CDC40: variants seen among roughly 807,000 people sequenced by gnomAD.
CDC40 encodes pre-mRNA-processing factor 17.
A neutral mutation model predicts 80.6 loss-of-function variants in CDC40; 27 were observed. That is an observed-to-expected ratio of 0.33 (90% confidence interval 0.25 to 0.46). The LOEUF (loss-of-function observed/expected upper bound fraction) is 0.46, where lower values mean the gene tolerates loss of function less well. Among genes scored for constraint, CDC40 ranks in the 20% least tolerant of loss-of-function variants. The pLI, the probability that CDC40 is intolerant of heterozygous loss-of-function variation, is 1.00. For missense variants in CDC40, 486 were observed against 694.1 expected (o/e 0.70, Z 3.37); for synonymous variants, 221 against 232.6 (o/e 0.95, Z 0.45).
chr6:110,181,702 G>A (rs540151348), intron 1 of CDC40, among the ~76,000 whole-genome samples: 13 of 152,248 alleles, frequency 8.5e-5, no homozygotes, highest in African/African-American at 2.9e-4. Flanking sequence ...GCTTTTTGGA[G>A]CTCTCTTTTT....
rs1390110559 is a variant in CDC40, at chr6:110,228,836, A to T, written c.1422A>T (p.Lys474Asn). The change falls in exon 14 of 15, where the codon AAA (lysine) becomes AAT (asparagine). Residue 474 changes from lysine (K) to asparagine (N), a missense_variant. This residue lies in a region of CDC40 where 88 missense variants were observed against 138.7 expected (regional missense o/e 0.63). Transcript: ENST00000307731. ...MPAVTLSPNG[K>N]WLACQSMDNQ... is the part of the protein sequence containing the mutation. The stretch of plus-strand genomic sequence containing the variant: ...CCTCATTTATTGAATTTACAGGAAA[A>T]TGGCTAGCATGCCAATCAATGGACA... 1 of 1,575,022 alleles carries T rather than the reference A, an allele frequency of 6.3e-7. No homozygotes were observed.
chr6:110,206,198 C>T (rs1026707644), intron 3 of CDC40, among the ~76,000 whole-genome samples: 12 of 152,058 alleles, frequency 7.9e-5, no homozygotes, highest in African/African-American at 2.2e-4. Context: ...AGTGCAGTGG[C>T]GCGATCTCAG....
At chr6:110,218,092 C>T (rs1777723709) in intron 10 of CDC40, among the ~76,000 whole-genome samples, 1 of 152,200 alleles carries the variant, frequency 6.6e-6, no homozygotes, top group Non-Finnish European at 1.5e-5. Context: ...TGTTCCCCTA[C>T]ATCACCTAGC....
At chr6:110,211,757 C>T (rs1172202344) in intron 6 of CDC40, 1 of 155,884 alleles carries the variant, frequency 6.4e-6, no homozygotes, top group Non-Finnish European at 1.4e-5. Context: ...CCTTCTTAAC[C>T]TGTTTTATTT....
In CDC40 at chr6:110,210,780, G is replaced by T; in HGVS notation, c.704G>T (p.Gly235Val). Residue 235 changes from glycine (G) to valine (V), a missense_variant, in exon 6 of 15, where the codon GGG becomes GTG. By Grantham distance (109) the Gly-to-Val change is moderately radical. This residue lies in a region of CDC40 where 381 missense variants were observed against 492.1 expected (regional missense o/e 0.77). Transcript: ENST00000307731. ...KKGKQEEEKP[G>V]EEKTILHVKE... is the part of the protein sequence containing the mutation. ...GGAAAACAGGAAGAAGAGAAACCTG[G>T]GGAGGAGAAGACAATCTTACATGGT... The T allele has an allele frequency of 6.4e-7, 1 of 1,564,480 alleles. No individual in the cohort carries two copies. The highest frequency in any genetic ancestry group is 8.6e-7 in the Non-Finnish European group (1 of 1,156,340).
intron 2 of CDC40, 137 bp from the exon 3 acceptor site, chr6:110,201,421 G>A (rs997044351): frequency 2.7e-5 from 15 of 557,738 alleles, no homozygotes; most frequent in African/African-American, 5.7e-5. Context: ...GCACTGAACC[G>A]TATCAGGCTA....
rs182512937 is a variant in CDC40, at chr6:110,180,617, C to T, written c.173C>T (p.Pro58Leu). Reference sequence around the variant, plus strand: ...CTAGCAGTGGCAGTGGACTCGGCTCCGGAGGTGGCAGTTAAGGTAAGCACT... The same window carrying T: ...CTAGCAGTGGCAGTGGACTCGGCTCTGGAGGTGGCAGTTAAGGTAAGCACT... ...PSLAVAVDSAPEVAVKEDLET... is the reference protein window; with the variant it reads ...PSLAVAVDSALEVAVKEDLET... The change falls in exon 1 of 15, where the codon CCG becomes CTG. Residue 58 changes from proline to leucine, a missense_variant. Physicochemically the swap from Pro to Leu is moderately conservative, Grantham distance 98. This residue lies in a region of CDC40 where 381 missense variants were observed against 492.1 expected (regional missense o/e 0.77). Transcript: ENST00000307731. The T allele has an allele frequency of 1.2e-5, 19 of 1,612,886 alleles. No homozygotes were observed. In the East Asian group the frequency reaches 3.6e-4, roughly 30 times the overall value.
chr6:110,205,498 G>T (rs1777550763), intron 3 of CDC40, among the ~76,000 whole-genome samples: 1 of 152,192 alleles, frequency 6.6e-6, no homozygotes, highest in African/African-American at 2.4e-5. Context: ...ATCACCTGGG[G>T]TGGAAGGCAG....
At chr6:110,220,251 T>C (rs1777751195) in intron 12 of CDC40, among the ~76,000 whole-genome samples, 1 of 152,032 alleles carries the variant, frequency 6.6e-6, no homozygotes, top group African/African-American at 2.4e-5. Flanking sequence ...AAAATAGTGG[T>C]GTATATCTTA....
At chr6:110,197,343 G>A (rs1483884573) in intron 2 of CDC40, among the ~76,000 whole-genome samples, 1 of 152,064 alleles carries the variant, frequency 6.6e-6, no homozygotes, top group African/African-American at 2.4e-5. Context: ...TATTTACAAT[G>A]TACAATGTGT....
intron 2 of CDC40, among the ~76,000 whole-genome samples, chr6:110,199,928 A>G (rs1777473924): frequency 6.6e-6 from 1 of 152,058 alleles, no homozygotes; most frequent in Non-Finnish European, 1.5e-5. Flanking sequence ...CTTTTAAATC[A>G]TTTTGTTATC....
chr6:110,190,451 A>AG (rs1777331760), intron 1 of CDC40, among the ~76,000 whole-genome samples: 1 of 152,184 alleles, frequency 6.6e-6, no homozygotes, highest in African/African-American at 2.4e-5. Context: ...CAAAGAGAGG[A>AG]GGGTAGAAGT....
chr6:110,230,207 G>A lies in CDC40; in HGVS notation c.*76G>A, dbSNP rs562527067. On this transcript the variant is annotated 3_prime_UTR_variant, in exon 15 of 15. Transcript: ENST00000307731. ...TTATATTTAATTATTAAATGTATCT[G>A]ATGATAACTTGATTTACAGATAATG... The A allele has an allele frequency of 4.3e-5, 31 of 727,088 alleles. No individual in the cohort carries two copies. In the South Asian group the frequency reaches 5.3e-4, roughly 13 times the overall value. The allele number at this position is 727,088 out of a possible 1,614,324, so 45.0% of individuals were successfully genotyped here. A position where few individuals can be genotyped will look rare whatever the true frequency, so the allele number is the denominator to read the frequency against.
At chr6:110,208,420 C>A (rs1349651491) in intron 4 of CDC40, among the ~76,000 whole-genome samples, 1 of 152,148 alleles carries the variant, frequency 6.6e-6, no homozygotes, top group Non-Finnish European at 1.5e-5. Context: ...AATGACTATA[C>A]ACAGTATGCC....
intron 12 of CDC40, among the ~76,000 whole-genome samples, chr6:110,224,902 T>G (rs765112217): frequency 3.3e-5 from 5 of 152,246 alleles, no homozygotes; most frequent in Non-Finnish European, 1.5e-5. Context: ...ATGTTTTAAT[T>G]CATGTTGTAA....
chr6:110,221,179 T>C (rs1413767775), intron 12 of CDC40, among the ~76,000 whole-genome samples: 2 of 152,216 alleles, frequency 1.3e-5, no homozygotes, highest in Non-Finnish European at 2.9e-5. Flanking sequence ...AATGATTGGA[T>C]GGAAGCCGCC....
At chr6:110,190,803 T>C (rs1408599342) in intron 1 of CDC40, among the ~76,000 whole-genome samples, 1 of 151,994 alleles carries the variant, frequency 6.6e-6, no homozygotes, top group Non-Finnish European at 1.5e-5. Context: ...TTGCTGGCCT[T>C]CTGGGAGGGC....
At chr6:110,185,459 G>A (rs542009963) in intron 1 of CDC40, among the ~76,000 whole-genome samples, 4 of 151,550 alleles carry the variant, frequency 2.6e-5, no homozygotes, top group Non-Finnish European at 5.9e-5. Flanking sequence ...AGCCGGGATG[G>A]TCTCGATCTC....
chr6:110,219,421 C>A lies in CDC40; in HGVS notation c.1148C>A (p.Pro383His). 6.2e-7 allele frequency: 1 copy of A among 1,610,580 alleles called. No homozygotes were observed. The highest frequency in any genetic ancestry group is 8.5e-7 in the Non-Finnish European group (1 of 1,177,214). The change falls in exon 11 of 15, where the codon CCT becomes CAT. Residue 383 changes from proline to histidine, a missense_variant. This residue lies in a region of CDC40 where 381 missense variants were observed against 492.1 expected (regional missense o/e 0.77). Coordinates refer to ENST00000307731, the MANE Select transcript of CDC40 (RefSeq NM_015891.3). ...RKVPYCVKFNPDEDKQNLFVA... is the reference protein window; with the variant it reads ...RKVPYCVKFNHDEDKQNLFVA... ...GTACCTTATTGTGTCAAATTCAATC[C>A]TGATGAAGATAAGCAAAATCTCTTT...
Sources: gnomAD v4.1 joint callset for allele counts (sites outside exome capture counted in the v4.1 genomes callset) on GRCh38, gnomAD v4.1.1 for gene constraint, gnomAD v4.1.1 regional missense constraint, MANE v1.5 for transcripts, NCBI Gene and HGNC (gene_info 2026-07-23, HGNC 2026-07-21) for gene names.